Variants in RBFOX1 observed in about 807,000 individuals in gnomAD.
RBFOX1 encodes RNA binding protein fox-1 homolog 1.
RBFOX1 carries 8 observed loss-of-function variants against 57.7 expected under a neutral mutation model. That is an observed-to-expected ratio of 0.14 (90% CI 0.08 to 0.25). RBFOX1 has a LOEUF of 0.25. RBFOX1 is among the 10% of genes least tolerant of loss of function. The pLI, the probability that RBFOX1 is intolerant of heterozygous loss-of-function variation, is 1.00. For synonymous variants in RBFOX1, 326 were observed against 222.4 expected (o/e 1.47, Z -4.15); for missense variants, 611 against 548.5 (o/e 1.11, Z -1.14).
chr16:7,504,735 A>ATT (rs1271969284), intron 4 of RBFOX1, among the ~76,000 whole-genome samples: 3,940 of 12,838 alleles, frequency 0.31, 339 homozygotes, highest in Middle Eastern at 0.5. Context: ...ATATATATAT[A>ATT]TATATATATA....
intron 3 of RBFOX1, among the ~76,000 whole-genome samples, chr16:6,821,073 C>G (rs1463329218): frequency 6.6e-6 from 1 of 152,160 alleles, no homozygotes; most frequent in East Asian, 1.9e-4. Context: ...GTGAGAAACA[C>G]ATCTCAGAAA....
chr16:5,848,695 C>T (rs1165572517), intron 3 of RBFOX1, among the ~76,000 whole-genome samples: 1 of 152,060 alleles, frequency 6.6e-6, no homozygotes, highest in East Asian at 1.9e-4. Context: ...GCCTGTAAAC[C>T]CAGCACTTTG....
chr16:6,807,879 C>G (rs956044186), intron 3 of RBFOX1, among the ~76,000 whole-genome samples: 2 of 138,864 alleles, frequency 1.4e-5, no homozygotes, highest in African/African-American at 5.3e-5. Flanking sequence ...ATATCTAGTT[C>G]TGTTGAATAT....
chr16:6,188,567 A>G (rs556558431), intron 1 of RBFOX1, among the ~76,000 whole-genome samples: 2 of 152,322 alleles, frequency 1.3e-5, no homozygotes, highest in East Asian at 1.9e-4. Flanking sequence ...CAAAATAACA[A>G]TCAATATATT....
At chr16:7,055,931 T>G (rs904050058) in intron 4 of RBFOX1, among the ~76,000 whole-genome samples, 4 of 152,210 alleles carry the variant, frequency 2.6e-5, no homozygotes, top group African/African-American at 9.7e-5. Flanking sequence ...GTTTGTGGAA[T>G]TTGACACAGA....
At chr16:7,222,185 C>A (rs189882303) in intron 4 of RBFOX1, among the ~76,000 whole-genome samples, 2 of 150,696 alleles carry the variant, frequency 1.3e-5, no homozygotes, top group South Asian at 4.2e-4. Context: ...GCCATAGACA[C>A]GACCACACCA....
At position 7,051,986 on chromosome 16, in the gene RBFOX1, TTC is replaced by T. The variant is rs1452520473; in HGVS notation, c.-15-69_-15-68del. On this transcript the variant is annotated intron_variant, in intron 3 of 15. Coordinates refer to ENST00000550418, the MANE Select transcript of RBFOX1 (RefSeq NM_018723.4). ...TTGAGCTGAGTAATTAAAAGTAACT[TTC>T]TGTTTTCTTTCATGTTTTTCTGATC... 6 of 1,566,834 alleles carry T rather than the reference TTC, an allele frequency of 3.8e-6. No homozygotes were observed. The East Asian group carries it at 6.9e-5, about 18-fold the overall frequency.
At chr16:5,784,557 C>A (rs2054435836) in intron 3 of RBFOX1, among the ~76,000 whole-genome samples, 1 of 152,164 alleles carries the variant, frequency 6.6e-6, no homozygotes, top group African/African-American at 2.4e-5. Context: ...CAGAACCAAG[C>A]TGGGATGGTG....
intron 3 of RBFOX1, among the ~76,000 whole-genome samples, chr16:6,977,587 G>T (rs932915195): frequency 3.9e-5 from 6 of 152,052 alleles, no homozygotes; most frequent in African/African-American, 1.2e-4. Flanking sequence ...TCCTAACTCA[G>T]GACAGATGGA....
rs71374916 is a variant in RBFOX1, at chr16:6,874,791, G to C, written c.-15-177266G>C. On this transcript the variant is annotated intron_variant, in intron 3 of 15. Coordinates refer to ENST00000550418, the MANE Select transcript of RBFOX1 (RefSeq NM_018723.4). ...GGACTTGAGGGGAAGGGTGGGAGGT[G>C]GGTGAGGGATAAAAGACTACATACT... 6.6e-3 allele frequency among the ~76,000 whole-genome samples: 1,009 copies of C among 152,200 alleles called. 7 individuals are homozygous for C. Among genetic ancestry groups the C allele is most frequent in the Non-Finnish European group, 0.011 (716 of 68,020 alleles).
chr16:6,681,766 T>C (rs909392968), intron 3 of RBFOX1, among the ~76,000 whole-genome samples: 3 of 152,136 alleles, frequency 2.0e-5, no homozygotes, highest in Non-Finnish European at 4.4e-5. Context: ...AACCACTCTC[T>C]GTAATTCAGT....
chr16:6,476,571 C>G (rs1469639046), intron 2 of RBFOX1, among the ~76,000 whole-genome samples: 1 of 152,128 alleles, frequency 6.6e-6, no homozygotes, highest in Non-Finnish European at 1.5e-5. Context: ...AATAAAAATG[C>G]CAACAATCAT....
intron 10 of RBFOX1, chr16:7,614,164 A>G (rs1596514492): frequency 6.6e-6 from 1 of 152,222 alleles, no homozygotes; most frequent in African/African-American, 2.4e-5. Context: ...GATGTTTTGC[A>G]TAGTTTACGC....
chr16:6,786,669 G>A (rs1235540312), intron 3 of RBFOX1, among the ~76,000 whole-genome samples: 1 of 152,108 alleles, frequency 6.6e-6, no homozygotes, highest in Non-Finnish European at 1.5e-5. Flanking sequence ...GGTCAAGTAG[G>A]TCAACAAAGT....
At chr16:7,288,834 C>A (rs1346076050) in intron 4 of RBFOX1, among the ~76,000 whole-genome samples, 2 of 152,180 alleles carry the variant, frequency 1.3e-5, no homozygotes, top group African/African-American at 4.8e-5. Flanking sequence ...AAGCAAGGCT[C>A]CATCTCAAAA....
chr16:6,016,753 G>A (rs2094996197), upstream of RBFOX1, among the ~76,000 whole-genome samples: 1 of 152,136 alleles, frequency 6.6e-6, no homozygotes, highest in Admixed American at 6.6e-5. Flanking sequence ...GTTGTCCTGG[G>A]AGCTGTCAAC....
intron 14 of RBFOX1, among the ~76,000 whole-genome samples, chr16:7,702,769 G>A (rs577580281): frequency 6.6e-6 from 1 of 152,160 alleles, no homozygotes; most frequent in Non-Finnish European, 1.5e-5. Context: ...AGTTCCTCCG[G>A]ATGGGCAAAA....
chr16:7,115,634 A>C (rs1047003407), intron 4 of RBFOX1, among the ~76,000 whole-genome samples: 2 of 152,220 alleles, frequency 1.3e-5, no homozygotes, highest in African/African-American at 4.8e-5. Flanking sequence ...GACAAAGTAC[A>C]TAGCTCCTCC....
At chr16:7,028,539 G>A (rs2041659663) in intron 3 of RBFOX1, among the ~76,000 whole-genome samples, 1 of 138,206 alleles carries the variant, frequency 7.2e-6, no homozygotes, top group African/African-American at 2.7e-5. Context: ...GTGAGCTGAG[G>A]TTGAAGCATT....
Sources: gnomAD v4.1 joint callset for allele counts (sites outside exome capture counted in the v4.1 genomes callset) on GRCh38, gnomAD v4.1.1 for gene constraint, MANE v1.5 for transcripts, NCBI Gene and HGNC (gene_info 2026-07-23, HGNC 2026-07-21) for gene names.